The following ZDHHC11B variants were observed in gnomAD, a reference collection of about 807,000 sequenced individuals.
ZDHHC11B encodes the protein probable palmitoyltransferase ZDHHC11B.
ZDHHC11B carries 17 observed loss-of-function variants against 42.3 expected under a neutral mutation model. The observed-to-expected ratio is 0.40, with a 90% CI of 0.27 to 0.60. The LOEUF (loss-of-function observed/expected upper bound fraction) is 0.60. Ranked by LOEUF, ZDHHC11B falls within the 20% of genes least tolerant of loss-of-function variation. The pLI, the probability that ZDHHC11B is intolerant of heterozygous loss-of-function variation, is 0.41. For missense variants in ZDHHC11B, 262 were observed against 463.2 expected, an observed-to-expected ratio of 0.57 and a Z score of 3.99; for synonymous variants, 123 against 193.5, an observed-to-expected ratio of 0.64 and a Z score of 3.02.
At chr5:720,886 G>T (rs1311837806) in intron 12 of ZDHHC11B, among the ~76,000 whole-genome samples, 1 of 151,532 alleles carries the variant, frequency 6.6e-6, no homozygotes. Context: ...AAAGTGGGAG[G>T]ATCATGTGAG....
rs754985107 is a variant in ZDHHC11B at position 777,376 on chromosome 5, G to T, written c.-230+7292C>A. Among the ~76,000 whole-genome samples the T allele has an allele frequency of 1.4e-4, 22 of 151,816 alleles. 1 individual carries two copies. The highest frequency in any genetic ancestry group is 2.4e-4 in the Non-Finnish European group (16 of 67,906). On this transcript the variant is annotated intron_variant, in intron 1 of 13. Transcript: ENST00000508859. The stretch of plus-strand genomic sequence containing the variant: ...GCGTCTGGAGCTGTTCGCTCCCTCC[G>T]GTGGGCTCGTGGTCTGGCTGGCCTC...
intron 12 of ZDHHC11B, among the ~76,000 whole-genome samples, chr5:722,232 T>C: frequency 6.6e-6 from 1 of 151,854 alleles, no homozygotes; most frequent in East Asian, 1.9e-4. Flanking sequence ...CATGATCTGG[T>C]TTCTAGAATG....
intron 12 of ZDHHC11B, among the ~76,000 whole-genome samples, chr5:727,213 C>T (rs1297465711): frequency 7.5e-6 from 1 of 133,814 alleles, no homozygotes; most frequent in South Asian, 2.7e-4. Flanking sequence ...GGAACTCTGG[C>T]GCTGCCCCCA....
rs753088919 is a variant in ZDHHC11B at position 748,153 on chromosome 5, GT to G, written c.784+250del. ...CGGCAGCGCTCCTGCAGGTCTCAGC[GT>G]TGAGTTCAGCTTCTTGCTGGGCCTG... On this transcript the variant is annotated intron_variant, in intron 8 of 13. Coordinates refer to ENST00000508859, the MANE Select transcript of ZDHHC11B (RefSeq NM_001351303.2). The G allele has an allele frequency of 1.9e-3, 1,113 of 571,450 alleles. 187 individuals carry two copies. The highest frequency in any genetic ancestry group is 0.01 in the African/African-American group (551 of 54,768). The allele number at this position is 571,450 out of a possible 1,614,324, so 35.4% of individuals were successfully genotyped here.
At chr5:724,934 C>G (rs1462103598) in intron 12 of ZDHHC11B, among the ~76,000 whole-genome samples, 1 of 146,772 alleles carries the variant, frequency 6.8e-6, no homozygotes, top group Non-Finnish European at 1.5e-5. Flanking sequence ...CATCTGCACC[C>G]CTCGCTGAGA....
intron 11 of ZDHHC11B, chr5:732,444 C>G (rs1375666070): frequency 2.5e-5 from 8 of 322,342 alleles, no homozygotes; most frequent in Admixed American, 3.9e-5. Flanking sequence ...AGCCCGTGTG[C>G]CACATGCAGT....
intron 8 of ZDHHC11B, among the ~76,000 whole-genome samples, chr5:745,941 C>T (rs405601): frequency 6.7e-5 from 10 of 149,666 alleles, no homozygotes; most frequent in South Asian, 2.2e-4. Flanking sequence ...CCTCTGATGG[C>T]GCTGAGACAG....
At chr5:752,339 C>G (rs1579356125) in intron 6 of ZDHHC11B, among the ~76,000 whole-genome samples, 2 of 97,054 alleles carry the variant, frequency 2.1e-5, no homozygotes, top group African/African-American at 6.0e-5. Flanking sequence ...GATGTCCATG[C>G]TGTAGACCTG....
At chr5:783,781 CAAA>C (rs2150252889) in intron 1 of ZDHHC11B, among the ~76,000 whole-genome samples, 8 of 126,732 alleles carry the variant, frequency 6.3e-5, no homozygotes, top group Non-Finnish European at 1.0e-4. Flanking sequence ...CAGCAGCCCC[CAAA>C]CCCCATCAAA....
chr5:732,185 C>T (rs4956965), intron 11 of ZDHHC11B: 21,538 of 156,000 alleles, frequency 0.14, 1,812 homozygotes, highest in Non-Finnish European at 0.19. Context: ...CATTTTCAGA[C>T]GGAATTCTCC....
intron 3 of ZDHHC11B, 92 bp from the exon 4 acceptor site, chr5:767,011 TG>T: frequency 1.4e-6 from 2 of 1,437,356 alleles, no homozygotes; most frequent in South Asian, 2.5e-5. Context: ...ACTGGGAACA[TG>T]GCCCCCAGGA....
chr5:767,138 G>A (rs1458487489), intron 3 of ZDHHC11B, among the ~76,000 whole-genome samples: 1 of 151,994 alleles, frequency 6.6e-6, no homozygotes, highest in Non-Finnish European at 1.5e-5. Context: ...CAGACATGCT[G>A]CAGAATCTGA....
At chr5:763,848 T>C (rs1734939109) in intron 4 of ZDHHC11B, among the ~76,000 whole-genome samples, 3 of 151,880 alleles carry the variant, frequency 2.0e-5, no homozygotes, top group Non-Finnish European at 4.4e-5. Flanking sequence ...ACAGGTGAAA[T>C]TTCCCGATGT....
intron 1 of ZDHHC11B, among the ~76,000 whole-genome samples, chr5:776,569 G>C (rs1736505824): frequency 6.6e-6 from 1 of 151,852 alleles, no homozygotes; most frequent in East Asian, 1.9e-4. Context: ...ATTCAGCCTG[G>C]ACAGCTCTCA....
chr5:727,565 G>A, intron 12 of ZDHHC11B, among the ~76,000 whole-genome samples: 1 of 138,418 alleles, frequency 7.2e-6, no homozygotes, highest in African/African-American at 2.6e-5. Flanking sequence ...ATGTAGCTCA[G>A]AAGGTCCAGT....
At chr5:735,895 A>T (rs2127018383) in intron 10 of ZDHHC11B, among the ~76,000 whole-genome samples, 2 of 148,596 alleles carry the variant, frequency 1.3e-5, no homozygotes, top group East Asian at 4.1e-4. Context: ...GACTGAGAAA[A>T]CAGTAACACA....
chr5:783,530 C>A (rs1254566069), intron 1 of ZDHHC11B, among the ~76,000 whole-genome samples: 1 of 152,252 alleles, frequency 6.6e-6, no homozygotes, highest in African/African-American at 2.4e-5. Flanking sequence ...CTATCGGTCC[C>A]CCAGGGGCCC....
chr5:753,818 C>CT (rs1561161849), intron 6 of ZDHHC11B, among the ~76,000 whole-genome samples: 2 of 92,666 alleles, frequency 2.2e-5, no homozygotes, highest in Non-Finnish European at 5.7e-5. Context: ...AGGGCAGGGA[C>CT]CCCCCGGTGC....
At chr5:775,348 G>A (rs1736386734) in intron 1 of ZDHHC11B, among the ~76,000 whole-genome samples, 1 of 151,948 alleles carries the variant, frequency 6.6e-6, no homozygotes, top group Admixed American at 6.6e-5. Flanking sequence ...CATCCTTGAA[G>A]GGGTGCAGCC....
Sources: gnomAD v4.1 joint callset for allele counts (sites outside exome capture counted in the v4.1 genomes callset) on GRCh38, gnomAD v4.1.1 for gene constraint, MANE v1.5 for transcripts, NCBI Gene and HGNC (gene_info 2026-07-23, HGNC 2026-07-21) for gene names.